Variants in TEX14 observed in about 807,000 individuals in gnomAD.
The protein encoded by TEX14 is testis expressed 14, intercellular bridge forming factor.
A neutral mutation model predicts 178.6 loss-of-function variants in TEX14; 168 were observed. The ratio of observed to expected loss-of-function variants is 0.94; its 90% CI spans 0.83 to 1.07. The LOEUF (loss-of-function observed/expected upper bound fraction) is 1.07, where lower values mean the gene tolerates loss of function less well. Among genes scored for constraint, TEX14 ranks in the 50% least tolerant of loss-of-function variants. The pLI, the probability that TEX14 is intolerant of heterozygous loss-of-function variation, is 0.00. For synonymous variants in TEX14, 626 were observed against 634.1 expected, an observed-to-expected ratio of 0.99 and a Z score of 0.19; for missense variants, 1,730 against 1,753.6, an observed-to-expected ratio of 0.99 and a Z score of 0.24.
intron 1 of TEX14, chr17:58,661,741 AG>A (rs1401007526): frequency 1.8e-6 from 1 of 564,284 alleles, no homozygotes; most frequent in African/African-American, 1.9e-5. Flanking sequence ...GGGGCGGCAT[AG>A]GGGAAGGCAA....
chr17:58,559,702 A>G, intron 29 of TEX14, 140 bp from the exon 30 acceptor site: 1 of 610,502 alleles, frequency 1.6e-6, no homozygotes, highest in African/African-American at 1.9e-5. Context: ...AGTGTTCTCT[A>G]TGCACCAGGC....
Position 58,615,309 on chromosome 17 carries a change from C to T in TEX14, c.804G>A (p.Glu268=), listed in dbSNP as rs1458056544. 2 of 1,613,428 alleles carry T rather than the reference C, an allele frequency of 1.2e-6. No individual in the cohort carries two copies. Among genetic ancestry groups the T allele is most frequent in the African/African-American group, 2.7e-5 (2 of 74,908 alleles). ...AGTGTGGGTGGGTGGGGAGATTCAG[C>T]TCTTTCACTGTGACCCTGCTCCCAT... is the stretch of plus-strand genomic sequence containing the variant. ...VWNGSRVTVK[E]LNLPTHPHCS... The change falls in exon 8 of 32, where the codon GAG becomes GAA. Residue 268 remains glutamate (E), a synonymous_variant. Transcript: ENST00000349033.
Position 58,613,542 on chromosome 17 carries a change from TTGC to T in TEX14, c.882-1_883del, listed in dbSNP as rs753457890. 1.2e-6 allele frequency: 2 copies of T among 1,613,668 alleles called. No homozygotes were observed. The highest frequency in any genetic ancestry group is 1.7e-6 in the Non-Finnish European group (2 of 1,179,890). On this transcript the variant is annotated splice_acceptor_variant and coding_sequence_variant, in exon 9 of 32. Coordinates refer to ENST00000349033, the MANE Select transcript of TEX14 (RefSeq NM_031272.5). LOFTEE classifies it high-confidence loss of function. Reference sequence around the variant, plus strand: ...CTGTAGCAAGTAGGGGTGCCGCAGCTTGCTGCAAAAGAAAAGAAGCTTCAGATA... The same window carrying T: ...CTGTAGCAAGTAGGGGTGCCGCAGCTTGCAAAAGAAAAGAAGCTTCAGATA...
chr17:58,586,408 T>C (rs569708779), intron 17 of TEX14, among the ~76,000 whole-genome samples: 39 of 152,302 alleles, frequency 2.6e-4, no homozygotes, highest in African/African-American at 8.4e-4. Context: ...TAGTTCTTAG[T>C]GTGTAATAAT....
intron 10 of TEX14, among the ~76,000 whole-genome samples, chr17:58,608,740 G>A (rs752865446): frequency 2.6e-5 from 4 of 152,248 alleles, no homozygotes; most frequent in African/African-American, 7.2e-5. Context: ...CAGGGTATGA[G>A]AGCATCAGTA....
chr17:58,573,417 G>T, intron 22 of TEX14, 109 bp from the exon 23 acceptor site: 1 of 968,564 alleles, frequency 1.0e-6, no homozygotes, highest in Non-Finnish European at 1.6e-6. Context: ...TTTGTATGTG[G>T]CAATAGGCCA....
intron 1 of TEX14, among the ~76,000 whole-genome samples, chr17:58,655,673 A>G (rs1483649293): frequency 1.3e-5 from 2 of 151,968 alleles, no homozygotes; most frequent in Admixed American, 1.3e-4. Context: ...GTGAGAACAA[A>G]AAGCTGGACC....
Position 58,621,750 on chromosome 17 carries a change from G to A in TEX14, c.454C>T (p.Gln152Ter). Residue 152 changes from glutamine (Q) to a stop codon, truncating the protein, a stop_gained, in exon 5 of 32, where the codon CAG (glutamine) becomes TAG (stop). Coordinates refer to ENST00000349033, the MANE Select transcript of TEX14 (RefSeq NM_031272.5). LOFTEE classifies it high-confidence loss of function. ...EFMQRCASHMQAIIQGFSYDL... is the reference protein window; with the variant it reads ...EFMQRCASHM ...TAAGAGAAGCCCTGGATGATGGCCT[G>A]CATGTGTGAGGCACAGCGCTGCATG... 1.2e-6 allele frequency: 2 copies of A among 1,614,190 alleles called. No individual in the cohort carries two copies. Among genetic ancestry groups the A allele is most frequent in the South Asian group, 1.1e-5 (1 of 91,088 alleles).
intron 28 of TEX14, 57 bp from the exon 29 acceptor site, chr17:58,561,669 C>A (rs2144327916): frequency 2.6e-6 from 3 of 1,165,634 alleles, no homozygotes; most frequent in Non-Finnish European, 3.9e-6. Context: ...TCCCCCTTGA[C>A]AAAGATGCAT....
At chr17:58,643,257 G>A (rs2046615218) in intron 2 of TEX14, among the ~76,000 whole-genome samples, 1 of 152,062 alleles carries the variant, frequency 6.6e-6, no homozygotes, top group African/African-American at 2.4e-5. Context: ...AGGGTTCCTG[G>A]TCTTTTCTTG....
intron 11 of TEX14, among the ~76,000 whole-genome samples, chr17:58,602,801 C>T (rs975076137): frequency 1.3e-5 from 2 of 152,050 alleles, no homozygotes; most frequent in African/African-American, 4.8e-5. Context: ...GGCGTGGTGG[C>T]TTACACCTGT....
intron 18 of TEX14, 30 bp from the exon 19 acceptor site, chr17:58,584,630 G>A: frequency 6.6e-7 from 1 of 1,504,220 alleles, no homozygotes; most frequent in Non-Finnish European, 9.3e-7. Context: ...CAGGGTCAAA[G>A]TCATTCAGTG....
chr17:58,681,988 C>G (rs754356971), intron 1 of TEX14, among the ~76,000 whole-genome samples: 3 of 152,188 alleles, frequency 2.0e-5, no homozygotes, highest in Non-Finnish European at 4.4e-5. Flanking sequence ...AGATTTGTGA[C>G]TAGCAGTGCC....
rs1046281542 is a variant in TEX14 at position 58,596,010 on chromosome 17, C to T, written c.2470-2349G>A. ...CCAGCCTGGCCAATATGGTAAAACC[C>T]CCTCTCTACTAAAAATACAAAAATT... On this transcript the variant is annotated intron_variant, in intron 14 of 31. Transcript: ENST00000349033. Among the ~76,000 whole-genome samples the T allele has an allele frequency of 7.9e-5, 12 of 152,162 alleles. 1 individual carries two copies. The East Asian group carries it at 1.9e-3, about 25-fold the overall frequency.
chr17:58,644,106 G>C (rs1392466579), intron 2 of TEX14, among the ~76,000 whole-genome samples: 1 of 152,014 alleles, frequency 6.6e-6, no homozygotes, highest in Non-Finnish European at 1.5e-5. Flanking sequence ...TTAACCTCTA[G>C]GGAGAGGAGA....
chr17:58,655,656 T>C (rs926874074), intron 1 of TEX14, among the ~76,000 whole-genome samples: 3 of 152,128 alleles, frequency 2.0e-5, no homozygotes, highest in East Asian at 1.9e-4. Context: ...GATCTCATTA[T>C]TGGACTGTGA....
Position 58,584,596 on chromosome 17 carries a change from G to T in TEX14, c.3075C>A (p.Ile1025=), listed in dbSNP as rs1836811384. 1 of 1,611,720 alleles carries T rather than the reference G, an allele frequency of 6.2e-7. No individual in the cohort carries two copies. The highest frequency in any genetic ancestry group is 1.3e-5 in the African/African-American group (1 of 74,968). The change falls in exon 19 of 32, where the codon ATC becomes ATA. Residue 1025 remains isoleucine (I), a synonymous_variant. Transcript: ENST00000349033. ...CCTTTTGTCTGGGAGATGGGTGCCT[G>T]ATACCTAATGATTGTAACACAGTCA... ...RQPRLGSFTS[I]RHPSPRQKEQ...
At chr17:58,559,653 C>CAAT (rs2044232675) in intron 29 of TEX14, 91 bp from the exon 30 acceptor site, 1 of 704,630 alleles carries the variant, frequency 1.4e-6, no homozygotes, top group Non-Finnish European at 2.5e-6. Context: ...ACAACAACAA[C>CAAT]AACAACAACA....
At chr17:58,600,819 C>T (rs1175216249) in intron 13 of TEX14, among the ~76,000 whole-genome samples, 1 of 152,152 alleles carries the variant, frequency 6.6e-6, no homozygotes, top group Non-Finnish European at 1.5e-5. Context: ...AGTTCTATAA[C>T]AAGTTCTCTG....
Sources: allele counts gnomAD v4.1 joint callset (sites outside exome capture counted in the v4.1 genomes callset), GRCh38; gene constraint gnomAD v4.1.1; transcripts MANE v1.5; gene names NCBI Gene and HGNC (gene_info 2026-07-23, HGNC 2026-07-21).